The following MYO3B variants were observed in gnomAD, a reference collection of about 807,000 sequenced individuals.
The protein encoded by MYO3B is myosin IIIB.
A neutral mutation model predicts 174.6 loss-of-function variants in MYO3B; 156 were observed. The ratio of observed to expected loss-of-function variants is 0.89; its 90% CI spans 0.78 to 1.02. The LOEUF (loss-of-function observed/expected upper bound fraction) is 1.02, where lower values mean the gene tolerates loss of function less well. Ranked by LOEUF, MYO3B falls within the 50% of genes least tolerant of loss-of-function variation. The pLI is 0.00. For missense variants in MYO3B, 1,632 were observed against 1,639.4 expected (o/e 1.00, Z 0.08); for synonymous variants, 563 against 569.1 (o/e 0.99, Z 0.15).
intron 9 of MYO3B, among the ~76,000 whole-genome samples, chr2:170,370,966 C>T (rs187384107): frequency 1.1e-3 from 169 of 151,470 alleles, no homozygotes; most frequent in Non-Finnish European, 1.9e-3. Flanking sequence ...CGCCTGTAAT[C>T]CCAGCACTTT....
At chr2:170,358,517 C>T (rs752757179) in intron 8 of MYO3B, among the ~76,000 whole-genome samples, 1 of 151,980 alleles carries the variant, frequency 6.6e-6, no homozygotes, top group Non-Finnish European at 1.5e-5. Flanking sequence ...GTAATGGTTG[C>T]ACAACTGTGT....
intron 7 of MYO3B, among the ~76,000 whole-genome samples, chr2:170,324,145 T>G (rs1029309399): frequency 6.6e-6 from 1 of 152,178 alleles, no homozygotes; most frequent in African/African-American, 2.4e-5. Flanking sequence ...ACCTGACTCT[T>G]CACTTTTTCA....
chr2:170,465,639 C>T (rs982545150), intron 24 of MYO3B, among the ~76,000 whole-genome samples: 6 of 152,086 alleles, frequency 3.9e-5, no homozygotes, highest in Non-Finnish European at 8.8e-5. Context: ...ATCTTAGGGC[C>T]CCCCTATCAG....
intron 7 of MYO3B, chr2:170,332,409 A>G (rs1338179975): frequency 6.6e-6 from 1 of 152,164 alleles, no homozygotes; most frequent in Non-Finnish European, 1.5e-5. Flanking sequence ...TTTAGCTGCA[A>G]CAGAGAGAGG....
intron 7 of MYO3B, among the ~76,000 whole-genome samples, chr2:170,276,716 T>TA (rs1253810349): frequency 6.6e-6 from 1 of 152,174 alleles, no homozygotes; most frequent in Non-Finnish European, 1.5e-5. Context: ...TATAATCAGT[T>TA]ACCTTTCTTG....
chr2:170,392,631 CAA>C (rs758922125), intron 16 of MYO3B, 136 bp downstream of exon 16: 6 of 501,672 alleles, frequency 1.2e-5, no homozygotes, highest in Non-Finnish European at 2.0e-5. Context: ...TCTTGCTACT[CAA>C]AGTGTGGTCC....
chr2:170,245,723 A>G (rs2093182249), intron 7 of MYO3B, among the ~76,000 whole-genome samples: 1 of 152,200 alleles, frequency 6.6e-6, no homozygotes, highest in East Asian at 1.9e-4. Context: ...GCTTCTCAAT[A>G]GACAGGAATG....
In MYO3B at chr2:170,371,019, A is replaced by C. The variant is rs74590285; in HGVS notation, c.971+1642A>C. Among the ~76,000 whole-genome samples, 23 of 151,816 alleles carry C rather than the reference A, an allele frequency of 1.5e-4. No individual in the cohort carries two copies. The East Asian group carries it at 3.5e-3, about 23-fold the overall frequency. On this transcript the variant is annotated intron_variant, in intron 9 of 34. Coordinates refer to ENST00000408978, the MANE Select transcript of MYO3B (RefSeq NM_138995.5). ...GAATCACAAGGTCAGGAGTTTGAGA[A>C]CAGCCTGGCCAACATGGTGACACCC...
intron 8 of MYO3B, among the ~76,000 whole-genome samples, chr2:170,346,780 A>T (rs532104802): frequency 6.6e-6 from 1 of 152,304 alleles, no homozygotes; most frequent in East Asian, 1.9e-4. Flanking sequence ...GGAACAAATT[A>T]TAGAATGAGA....
At position 170,503,664 on chromosome 2, in the gene MYO3B, T is replaced by C. The variant is rs201969710; in HGVS notation, c.3370+1799T>C. 2.1e-4 allele frequency among the ~76,000 whole-genome samples: 30 copies of C among 139,924 alleles called. 2 individuals carry two copies. The East Asian group carries it at 3.8e-3, about 18-fold the overall frequency. The allele number at this position is 139,924 out of a possible 152,430, so 91.8% of individuals were successfully genotyped here. On this transcript the variant is annotated intron_variant, in intron 28 of 34. Transcript: ENST00000408978. ...TAAGGGTGCCGTCCTTTTTTTTTTT[T>C]AGCCTTGCAAGCACCTCCCCTTTCT...
intron 32 of MYO3B, among the ~76,000 whole-genome samples, chr2:170,607,460 G>C (rs1018706537): frequency 2.0e-5 from 3 of 152,170 alleles, no homozygotes; most frequent in Non-Finnish European, 2.9e-5. Flanking sequence ...GCAGAGACTT[G>C]GCAAACCACA....
At chr2:170,315,674 G>A (rs996424169) in intron 7 of MYO3B, among the ~76,000 whole-genome samples, 2 of 152,202 alleles carry the variant, frequency 1.3e-5, no homozygotes, top group Admixed American at 6.5e-5. Context: ...GTTTGACAGT[G>A]TTAAATGTTT....
chr2:170,611,840 G>T (rs1695141634), intron 32 of MYO3B, among the ~76,000 whole-genome samples: 2 of 152,168 alleles, frequency 1.3e-5, no homozygotes, highest in Admixed American at 6.5e-5. Flanking sequence ...TGTTACAAGT[G>T]AATAGACTGA....
intron 32 of MYO3B, among the ~76,000 whole-genome samples, chr2:170,618,327 A>AG (rs560718149): frequency 1.2e-3 from 180 of 152,294 alleles, no homozygotes; most frequent in African/African-American, 4.2e-3. Flanking sequence ...GGCGTAACAG[A>AG]GGTAGAAGGA....
intron 34 of MYO3B, 90 bp downstream of exon 34, chr2:170,652,244 T>C: frequency 8.5e-7 from 1 of 1,181,656 alleles, no homozygotes; most frequent in South Asian, 1.3e-5. Flanking sequence ...CCAGAGAGGC[T>C]TCTAAAAATA....
rs147899029 is a variant in MYO3B, at chr2:170,223,779, A to C, written c.603+6384A>C. Among the ~76,000 whole-genome samples, 42 of 152,346 alleles carry C rather than the reference A, an allele frequency of 2.8e-4. No homozygotes were observed. In the East Asian group the frequency reaches 7.9e-3, roughly 29 times the overall value. On this transcript the variant is annotated intron_variant, in intron 6 of 34. Transcript: ENST00000408978. ...CAAAGAATTAAACTCAGTGTTTGTAAGTGACTGAAACCCAAGAGAAAGAAC... is the reference window on the plus strand; with the variant it reads ...CAAAGAATTAAACTCAGTGTTTGTACGTGACTGAAACCCAAGAGAAAGAAC...
At chr2:170,610,145 G>A (rs1289431186) in intron 32 of MYO3B, among the ~76,000 whole-genome samples, 1 of 152,146 alleles carries the variant, frequency 6.6e-6, no homozygotes, top group Non-Finnish European at 1.5e-5. Flanking sequence ...GACCATCCTG[G>A]CTAACACAGT....
At chr2:170,400,346 T>C (rs1206984853) in intron 17 of MYO3B, 32 bp downstream of exon 17, 1 of 1,612,140 alleles carries the variant, frequency 6.2e-7, no homozygotes, top group South Asian at 1.1e-5. Context: ...GCTGTGTTGT[T>C]GCCAAAGCAC....
chr2:170,649,294 TATAAA>T lies in MYO3B; in HGVS notation c.3734-2329_3734-2325del, dbSNP rs1329568200. On this transcript the variant is annotated intron_variant, in intron 32 of 34. Coordinates refer to ENST00000408978, the MANE Select transcript of MYO3B (RefSeq NM_138995.5). ...TATATATAAAATAATATATATTATA[TATAAA>T]ATAATATATATTATATATAAAATAA... Among the ~76,000 whole-genome samples, 7 of 76,348 alleles carry T rather than the reference TATAAA, an allele frequency of 9.2e-5. 1 individual carries two copies. The highest frequency in any genetic ancestry group is 1.5e-4 in the Non-Finnish European group (7 of 45,404). The allele number at this position is 76,348 out of a possible 152,430, so 50.1% of individuals were successfully genotyped here.
Sources: allele counts gnomAD v4.1 joint callset (sites outside exome capture counted in the v4.1 genomes callset), GRCh38; gene constraint gnomAD v4.1.1; transcripts MANE v1.5; gene names NCBI Gene and HGNC (gene_info 2026-07-23, HGNC 2026-07-21).